RBM47: variants seen among roughly 807,000 people sequenced by gnomAD.
RBM47 encodes RNA binding motif protein 47, also known as RNA-binding protein 47.
RBM47 carries 21 observed loss-of-function variants against 47.1 expected under a neutral mutation model. The ratio of observed to expected loss-of-function variants is 0.45; its 90% CI spans 0.32 to 0.64. The LOEUF (loss-of-function observed/expected upper bound fraction) is 0.64. RBM47 is among the 30% of genes least tolerant of loss of function. The probability of loss-of-function intolerance (pLI) is 0.05; values close to 1 mark genes in which losing one functional copy is unlikely to be tolerated. For synonymous variants in RBM47, 375 were observed against 361.7 expected, an observed-to-expected ratio of 1.04 and a Z score of -0.42; for missense variants, 708 against 870.9, an observed-to-expected ratio of 0.81 and a Z score of 2.35.
intron 1 of RBM47, among the ~76,000 whole-genome samples, chr4:40,581,670 G>A (rs1732960526): frequency 6.6e-6 from 1 of 151,954 alleles, no homozygotes; most frequent in Non-Finnish European, 1.5e-5. Context: ...TCAGAAGACA[G>A]CTCAGAAACC....
intron 3 of RBM47, among the ~76,000 whole-genome samples, chr4:40,454,901 AC>A (rs148936984): frequency 0.014 from 2,153 of 152,346 alleles, 54 homozygotes; most frequent in African/African-American, 0.048. Context: ...AGCTCTTTCT[AC>A]CATGATACTC....
At chr4:40,532,123 G>A (rs1049099065) in intron 2 of RBM47, among the ~76,000 whole-genome samples, 5 of 149,522 alleles carry the variant, frequency 3.3e-5, no homozygotes, top group East Asian at 1.9e-4. Context: ...AGATTCTCCT[G>A]CCTCAGCCTC....
chr4:40,589,137 C>T (rs1733885483), intron 1 of RBM47, among the ~76,000 whole-genome samples: 1 of 149,554 alleles, frequency 6.7e-6, no homozygotes, highest in African/African-American at 2.5e-5. Context: ...CCATGCTCAG[C>T]TAATTTTTTT....
At chr4:40,428,294 C>T (rs1577587739) in intron 6 of RBM47, among the ~76,000 whole-genome samples, 1 of 152,350 alleles carries the variant, frequency 6.6e-6, no homozygotes, top group Middle Eastern at 3.4e-3. Context: ...TGAATCATCA[C>T]AGCCACCAGT....
rs765643856 is a variant in RBM47, at chr4:40,566,428, C to CTT, written c.-239-21923_-239-21922insAA. On this transcript the variant is annotated intron_variant, in intron 1 of 6. Transcript: ENST00000295971. ...TTGGGAGGCTGAGGTGGGTGGATCA[C>CTT]GAGGTCAGGAGTTTGAGACCAGCCT... 8.4e-3 allele frequency among the ~76,000 whole-genome samples: 1,273 copies of CTT among 151,242 alleles called. 15 individuals are homozygous for CTT. The highest frequency in any genetic ancestry group is 0.015 in the Non-Finnish European group (1,019 of 67,246).
intron 2 of RBM47, among the ~76,000 whole-genome samples, chr4:40,530,592 G>T (rs368080461): frequency 2.0e-5 from 3 of 152,168 alleles, no homozygotes; most frequent in Admixed American, 2.0e-4. Flanking sequence ...GAAGCACCGC[G>T]TCCAGCCCTA....
intron 3 of RBM47, among the ~76,000 whole-genome samples, chr4:40,450,056 T>C (rs1291884958): frequency 7.2e-5 from 11 of 152,122 alleles, no homozygotes; most frequent in South Asian, 6.2e-4. Context: ...CCAACAAAAA[T>C]GAAACTCACA....
chr4:40,469,992 A>G (rs946274380), intron 2 of RBM47, among the ~76,000 whole-genome samples: 2 of 152,156 alleles, frequency 1.3e-5, no homozygotes, highest in African/African-American at 4.8e-5. Flanking sequence ...CCTATATGTT[A>G]TGTTTGTCCT....
At position 40,501,100 on chromosome 4, in the gene RBM47, T is replaced by C. The variant is rs145553155; in HGVS notation, c.-154-34401A>G. Among the ~76,000 whole-genome samples the C allele has an allele frequency of 3.9e-5, 6 of 152,210 alleles. No individual in the cohort carries two copies. In the East Asian group the frequency reaches 1.2e-3, roughly 29 times the overall value. ...AAGCGATCCCGGGTGACTGAAGTTTTAACTCAGAGTCCAAATGCTGCATAG... is the reference window on the plus strand; with the variant it reads ...AAGCGATCCCGGGTGACTGAAGTTTCAACTCAGAGTCCAAATGCTGCATAG... On this transcript the variant is annotated intron_variant, in intron 2 of 6. Transcript: ENST00000295971.
At chr4:40,500,896 G>A (rs985688038) in intron 2 of RBM47, among the ~76,000 whole-genome samples, 9 of 152,150 alleles carry the variant, frequency 5.9e-5, no homozygotes, top group Middle Eastern at 3.4e-3. Flanking sequence ...GACCATGGTC[G>A]TGACATTCTT....
At chr4:40,499,643 C>A (rs1458559671) in intron 2 of RBM47, among the ~76,000 whole-genome samples, 1 of 152,084 alleles carries the variant, frequency 6.6e-6, no homozygotes, top group East Asian at 1.9e-4. Flanking sequence ...CTCCTGACCT[C>A]ATGATCCTGC....
intron 2 of RBM47, among the ~76,000 whole-genome samples, chr4:40,511,013 G>A (rs1724856340): frequency 6.6e-6 from 1 of 152,184 alleles, no homozygotes; most frequent in South Asian, 2.1e-4. Context: ...AAGATCTTGA[G>A]TTGCTAGACA....
intron 2 of RBM47, among the ~76,000 whole-genome samples, chr4:40,518,529 C>T (rs1400646404): frequency 2.6e-5 from 4 of 152,040 alleles, no homozygotes; most frequent in African/African-American, 9.7e-5. Context: ...TATATGACAC[C>T]TCATTTAATT....
At chr4:40,505,841 G>A (rs36196909) in intron 2 of RBM47, among the ~76,000 whole-genome samples, 20,857 of 151,610 alleles carry the variant, frequency 0.14, 1,615 homozygotes, top group East Asian at 0.21. Context: ...GCAGTGAGCC[G>A]AGACCACACC....
chr4:40,509,160 A>AAAATAAATAAATAAATAAAT (rs139292597), intron 2 of RBM47, among the ~76,000 whole-genome samples: 262 of 146,444 alleles, frequency 1.8e-3, no homozygotes, highest in Admixed American at 3.0e-3. Context: ...CCTCCATCTC[A>AAAATAAATAAATAAATAAAT]AAATAAATAA....
At chr4:40,600,980 C>T (rs1735215649) in intron 1 of RBM47, among the ~76,000 whole-genome samples, 1 of 15,228 alleles carries the variant, frequency 6.6e-5, no homozygotes, top group Non-Finnish European at 1.7e-4. Flanking sequence ...AGTGAAACTC[C>T]GTCTCAAAAA....
At chr4:40,516,571 A>G (rs960993474) in intron 2 of RBM47, among the ~76,000 whole-genome samples, 5 of 151,704 alleles carry the variant, frequency 3.3e-5, no homozygotes, top group Admixed American at 2.6e-4. Flanking sequence ...TCATCATTCT[A>G]TTTCTCCTTC....
intron 1 of RBM47, among the ~76,000 whole-genome samples, chr4:40,552,397 C>G (rs10031457): frequency 0.12 from 16,509 of 140,282 alleles, 1,506 homozygotes; most frequent in African/African-American, 0.31. Context: ...GACTCTGTCT[C>G]AAAAATAAAT....
chr4:40,442,651 T>C (rs556309862), intron 3 of RBM47, among the ~76,000 whole-genome samples: 59 of 152,306 alleles, frequency 3.9e-4, no homozygotes, highest in African/African-American at 1.4e-3. Context: ...GTGGTATACA[T>C]ATACAATGCA....
Sources: gnomAD v4.1 joint callset for allele counts (sites outside exome capture counted in the v4.1 genomes callset) on GRCh38, gnomAD v4.1.1 for gene constraint, MANE v1.5 for transcripts, NCBI Gene and HGNC (gene_info 2026-07-23, HGNC 2026-07-21) for gene names.